GMDS: variants seen among roughly 807,000 people sequenced by gnomAD.
GMDS encodes the protein GDP-mannose 4,6 dehydratase.
Under a neutral mutation model 49.9 loss-of-function variants are expected in GMDS, and 20 were observed. The observed-to-expected ratio is 0.40, with a 90% CI of 0.28 to 0.58. GMDS has a LOEUF of 0.58. GMDS is among the 20% of genes least tolerant of loss of function. The pLI, the probability that GMDS is intolerant of heterozygous loss-of-function variation, is 0.42. For missense variants in GMDS, 362 were observed against 481.4 expected (o/e 0.75, Z 2.32); for synonymous variants, 177 against 178.6 (o/e 0.99, Z 0.07).
chr6:1,744,373 T>C (rs941708196), intron 7 of GMDS, among the ~76,000 whole-genome samples: 4 of 152,198 alleles, frequency 2.6e-5, no homozygotes, highest in Non-Finnish European at 4.4e-5. Context: ...TTGTTCACAT[T>C]AATGGAATAC....
intron 4 of GMDS, among the ~76,000 whole-genome samples, chr6:2,000,334 C>T (rs1222310237): frequency 6.6e-6 from 1 of 151,566 alleles, no homozygotes; most frequent in African/African-American, 2.4e-5. Context: ...CACTCCCGGA[C>T]AGTATTTACT....
At chr6:2,115,021 TTAAGAG>T (rs1157860611) in intron 4 of GMDS, among the ~76,000 whole-genome samples, 1 of 152,208 alleles carries the variant, frequency 6.6e-6, no homozygotes, top group East Asian at 1.9e-4. Context: ...CTTTTATAAC[TTAAGAG>T]TTACTTGCTT....
At chr6:2,202,318 G>A (rs1158280020) in intron 1 of GMDS, among the ~76,000 whole-genome samples, 1 of 151,142 alleles carries the variant, frequency 6.6e-6, no homozygotes, top group African/African-American at 2.4e-5. Flanking sequence ...GGCGAAGGAT[G>A]AAGACAGAAC....
chr6:2,123,617 T>C (rs1481236024), intron 2 of GMDS, among the ~76,000 whole-genome samples: 6 of 152,378 alleles, frequency 3.9e-5, no homozygotes, highest in Admixed American at 3.3e-4. Flanking sequence ...CACTTTGTAC[T>C]ATACATAACC....
At chr6:2,113,631 G>A (rs1483361239) in intron 4 of GMDS, among the ~76,000 whole-genome samples, 1 of 151,916 alleles carries the variant, frequency 6.6e-6, no homozygotes, top group Non-Finnish European at 1.5e-5. Flanking sequence ...CAACACCAGA[G>A]CCAGTGTCGG....
At chr6:1,911,934 GT>G (rs1172359234) in intron 7 of GMDS, among the ~76,000 whole-genome samples, 1 of 152,104 alleles carries the variant, frequency 6.6e-6, no homozygotes, top group Non-Finnish European at 1.5e-5. Flanking sequence ...CTAGTACAGA[GT>G]TTTTTTCAAT....
intron 9 of GMDS, among the ~76,000 whole-genome samples, chr6:1,653,004 G>C (rs1430914307): frequency 6.6e-6 from 1 of 151,192 alleles, no homozygotes; most frequent in Admixed American, 6.6e-5. Context: ...AGTCACCCAG[G>C]TCTCCGACCC....
At chr6:2,187,489 T>C (rs1453312261) in intron 1 of GMDS, among the ~76,000 whole-genome samples, 1 of 152,132 alleles carries the variant, frequency 6.6e-6, no homozygotes, top group Non-Finnish European at 1.5e-5. Flanking sequence ...CAAAAATGCC[T>C]CCTCACAGTG....
intron 1 of GMDS, among the ~76,000 whole-genome samples, chr6:2,152,328 T>C (rs960153070): frequency 1.2e-4 from 19 of 152,110 alleles, no homozygotes; most frequent in Non-Finnish European, 1.5e-5. Context: ...GCCAATGCAA[T>C]TAAATAAAAG....
intron 1 of GMDS, among the ~76,000 whole-genome samples, chr6:2,127,152 G>A (rs1455677956): frequency 6.6e-6 from 1 of 152,064 alleles, no homozygotes; most frequent in Non-Finnish European, 1.5e-5. Context: ...GCCAAGTCGG[G>A]CTACACAACC....
intron 4 of GMDS, among the ~76,000 whole-genome samples, chr6:2,006,959 T>C (rs1767224348): frequency 6.6e-6 from 1 of 152,236 alleles, no homozygotes; most frequent in East Asian, 1.9e-4. Context: ...AAAATGCCCA[T>C]CTGTCATATA....
chr6:1,737,532 CACAT>C (rs1210273023), intron 8 of GMDS, among the ~76,000 whole-genome samples: 1 of 151,010 alleles, frequency 6.6e-6, no homozygotes, highest in East Asian at 1.9e-4. Context: ...GAGATACACA[CACAT>C]ACACACCACA....
At chr6:2,155,495 C>T (rs1777069268) in intron 1 of GMDS, among the ~76,000 whole-genome samples, 1 of 152,030 alleles carries the variant, frequency 6.6e-6, no homozygotes, top group African/African-American at 2.4e-5. Context: ...CTCACAGTTC[C>T]TCCATTTAAA....
At chr6:2,005,561 C>T (rs928002965) in intron 4 of GMDS, among the ~76,000 whole-genome samples, 1 of 152,222 alleles carries the variant, frequency 6.6e-6, no homozygotes, top group African/African-American at 2.4e-5. Context: ...AGAAAAAAGT[C>T]TAGACCCCAT....
At chr6:2,028,629 C>T (rs1768764995) in intron 4 of GMDS, among the ~76,000 whole-genome samples, 1 of 152,112 alleles carries the variant, frequency 6.6e-6, no homozygotes, top group Non-Finnish European at 1.5e-5. Context: ...AGGAAGGATG[C>T]CCACTTTAAA....
At chr6:1,770,425 G>A (rs1768533185) in intron 7 of GMDS, among the ~76,000 whole-genome samples, 1 of 152,234 alleles carries the variant, frequency 6.6e-6, no homozygotes, top group African/African-American at 2.4e-5. Flanking sequence ...ATCGAATCTT[G>A]TTGTGGCAGC....
rs918947954 is a variant in GMDS, at chr6:1,939,363, G to A, written c.644-9133C>T. On this transcript the variant is annotated intron_variant, in intron 6 of 10. Transcript: ENST00000380815. ...CAGTCACTGTTTGTTTCTCCTGGGG[G>A]CCAGGAGATACTAACACCTGGGATG... is the stretch of plus-strand genomic sequence containing the variant. Among the ~76,000 whole-genome samples, 6 of 151,872 alleles carry A rather than the reference G, an allele frequency of 4.0e-5. No homozygotes were observed. In the East Asian group the frequency reaches 1.2e-3, roughly 30 times the overall value.
chr6:2,165,642 T>C (rs984652560), intron 1 of GMDS, among the ~76,000 whole-genome samples: 1 of 152,236 alleles, frequency 6.6e-6, no homozygotes, highest in Non-Finnish European at 1.5e-5. Context: ...TCACATAGCA[T>C]AGTATGTTTA....
chr6:2,079,152 G>A (rs1772526122), intron 4 of GMDS, among the ~76,000 whole-genome samples: 1 of 143,078 alleles, frequency 7.0e-6, no homozygotes, highest in South Asian at 2.3e-4. Context: ...TTTATTTTTA[G>A]TCTACATGTG....
Sources: gnomAD v4.1 joint callset for allele counts (sites outside exome capture counted in the v4.1 genomes callset) on GRCh38, gnomAD v4.1.1 for gene constraint, MANE v1.5 for transcripts, NCBI Gene and HGNC (gene_info 2026-07-23, HGNC 2026-07-21) for gene names.